The following SDHAF2 variants were observed in gnomAD, a reference collection of about 807,000 sequenced individuals.
SDHAF2 encodes the protein succinate dehydrogenase assembly factor 2, mitochondrial.
SDHAF2 carries 21 observed loss-of-function variants against 18.5 expected under a neutral mutation model. The observed-to-expected ratio is 1.13, with a 90% CI of 0.80 to 1.63. The LOEUF (loss-of-function observed/expected upper bound fraction) is 1.63. Ranked by LOEUF, SDHAF2 falls within the 40% of genes most tolerant of loss-of-function variation. SDHAF2 has a pLI of 0.00. For synonymous variants in SDHAF2, 84 were observed against 70.7 expected (o/e 1.19, Z -0.94); for missense variants, 195 against 200.3 (o/e 0.97, Z 0.16).
rs1174506640 is a variant in SDHAF2, at chr11:61,434,659, CTCTT to C, written c.37-2962_37-2959del. 5.5e-5 allele frequency: 8 copies of C among 145,344 alleles called. 1 individual carries two copies. The East Asian group carries it at 1.6e-3, about 29-fold the overall frequency. The allele number at this position is 145,344 out of a possible 1,614,324, so 9.0% of individuals were successfully genotyped here. A position where few individuals can be genotyped will look rare whatever the true frequency, so the allele number is the denominator to read the frequency against. On this transcript the variant is annotated intron_variant, in intron 1 of 3. Transcript: ENST00000301761. ...AATGACCAGTCTTTGAGTTTGCTGA[CTCTT>C]TCTGCTGCTTGATCAGGTCTACTAT...
rs1565130835 is a variant in SDHAF2, at chr11:61,445,947, A to G, written c.377A>G (p.Lys126Arg). 1 of 1,614,180 alleles carries G rather than the reference A, an allele frequency of 6.2e-7. No homozygotes were observed. Among genetic ancestry groups the G allele is most frequent in the Non-Finnish European group, 8.5e-7 (1 of 1,180,036 alleles). ...GCCCACTCTTCTCTTGCAGAAGCTA[A>G]ACCAGCCCCAGAAATATTTGAAAAT... Reference protein sequence around the residue: ...WDIYYWATEAKPAPEIFENEV... With the variant: ...WDIYYWATEARPAPEIFENEV... The change falls in exon 4 of 4, where the codon AAA becomes AGA. Residue 126 changes from lysine (K) to arginine (R), a missense_variant. Physicochemically the swap from Lys to Arg is conservative, Grantham distance 26 (BLOSUM62 2). Coordinates refer to ENST00000301761, the MANE Select transcript of SDHAF2 (RefSeq NM_017841.4).
In SDHAF2 at chr11:61,437,067, A is replaced by G. The variant is rs947176111; in HGVS notation, c.37-558A>G. On this transcript the variant is annotated intron_variant, in intron 1 of 3. Coordinates refer to ENST00000301761, the MANE Select transcript of SDHAF2 (RefSeq NM_017841.4). ...TTCTGGAAAGGCACTGGTTAGGGAC[A>G]CATTTGCAGTTAGGACTGTGTTTTA... is the stretch of plus-strand genomic sequence containing the variant. The G allele has an allele frequency of 2.6e-6, 3 of 1,162,094 alleles. No individual in the cohort carries two copies. The African/African-American group carries it at 4.8e-5, about 19-fold the overall frequency. 72.0% of individuals were successfully genotyped at this position (1,162,094 alleles called of 1,614,324 possible).
chr11:61,431,129 A>C (rs1861893204), intron 1 of SDHAF2: 1 of 151,826 alleles, frequency 6.6e-6, no homozygotes, highest in South Asian at 2.1e-4. Flanking sequence ...GGTTCAAGCG[A>C]TTCTTCCGCC....
At chr11:61,437,879 C>T (rs749030246) in intron 2 of SDHAF2, 31 bp downstream of exon 2, 20 of 1,598,058 alleles carry the variant, frequency 1.3e-5, no homozygotes, top group Non-Finnish European at 1.5e-5. Context: ...TTTTTTAAAT[C>T]GGGCAGCTTC....
chr11:61,434,948 G>A (rs1371755408), intron 1 of SDHAF2: 1 of 151,778 alleles, frequency 6.6e-6, no homozygotes, highest in Non-Finnish European at 1.5e-5. Context: ...AGCCAGGGTG[G>A]TCTTGATCTC....
intron 3 of SDHAF2, among the ~76,000 whole-genome samples, chr11:61,444,672 G>A (rs1862116469): frequency 1.3e-5 from 2 of 152,320 alleles, no homozygotes. Context: ...GAGCCCAGGA[G>A]GTGGAGCTTG....
intron 3 of SDHAF2, among the ~76,000 whole-genome samples, chr11:61,445,261 G>C (rs1304754333): frequency 6.6e-6 from 1 of 152,048 alleles, no homozygotes; most frequent in Non-Finnish European, 1.5e-5. Context: ...GAAAGGTCAG[G>C]GGGAGCAGCA....
chr11:61,431,915 C>G (rs947684858), intron 1 of SDHAF2: 1 of 152,360 alleles, frequency 6.6e-6, no homozygotes, highest in African/African-American at 2.4e-5. Flanking sequence ...TGGTCTCGAT[C>G]TCCTGACCTC....
chr11:61,438,307 C>G, intron 3 of SDHAF2, 194 bp downstream of exon 3: 1 of 631,884 alleles, frequency 1.6e-6, no homozygotes, highest in South Asian at 1.9e-5. Flanking sequence ...TCAAGCGATT[C>G]TCCAGCCTCA....
intron 3 of SDHAF2, among the ~76,000 whole-genome samples, chr11:61,442,906 G>A (rs928385582): frequency 5.3e-5 from 8 of 152,034 alleles, no homozygotes; most frequent in Non-Finnish European, 7.4e-5. Context: ...GGCACGTGCC[G>A]CCATGCCTGG....
intron 1 of SDHAF2, among the ~76,000 whole-genome samples, chr11:61,436,511 G>GCACC (rs1347987970): frequency 3.9e-5 from 6 of 152,256 alleles, no homozygotes; most frequent in African/African-American, 1.4e-4. Flanking sequence ...TTTTCTGTTA[G>GCACC]CACTTAGATT....
At chr11:61,430,636 G>A (rs1441420646) in intron 1 of SDHAF2, 1 of 186,686 alleles carries the variant, frequency 5.4e-6, no homozygotes, top group Non-Finnish European at 1.1e-5. Context: ...AGCGTAGTTA[G>A]CATGTCCATC....
intron 3 of SDHAF2, among the ~76,000 whole-genome samples, chr11:61,439,983 G>A (rs979237557): frequency 5.3e-5 from 8 of 152,316 alleles, no homozygotes; most frequent in African/African-American, 1.9e-4. Context: ...GCTGGGTCAT[G>A]TGGTAAGTGT....
intron 1 of SDHAF2, chr11:61,430,777 C>T (rs1212554682): frequency 1.3e-5 from 2 of 152,294 alleles, no homozygotes; most frequent in East Asian, 1.9e-4. Flanking sequence ...ACTTATTATT[C>T]TTTTTTCCTA....
intron 1 of SDHAF2, chr11:61,435,806 C>T: frequency 6.6e-6 from 1 of 152,274 alleles, no homozygotes; most frequent in African/African-American, 2.4e-5. Context: ...AGAAACCAGT[C>T]CCTCTGGTAG....
intron 1 of SDHAF2, chr11:61,436,719 T>G (rs764335673): frequency 1.1e-5 from 5 of 455,144 alleles, no homozygotes; most frequent in South Asian, 8.3e-5. Flanking sequence ...TGTGCTCACC[T>G]GGGGAGCAGG....
chr11:61,430,507 T>G, intron 1 of SDHAF2: 1 of 483,808 alleles, frequency 2.1e-6, no homozygotes. Context: ...TTTAATGCTT[T>G]TCGTGGTTTC....
rs1440188833 is a variant in SDHAF2 at position 61,437,803 on chromosome 11, A to G, written c.215A>G (p.Tyr72Cys). ...SIETKRARLL[Y>C]ESRKRGMLEN... ...GAAACCAAAAGAGCCCGCCTGCTCT[A>G]TGAGAGCAGAAAGAGGGGAATGTTG... Residue 72 changes from tyrosine to cysteine, a missense_variant, in exon 2 of 4, where the codon TAT (tyrosine) becomes TGT (cysteine). Tyr to Cys is a radical substitution (Grantham distance 194, BLOSUM62 -2). Transcript: ENST00000301761. The G allele has an allele frequency of 1.2e-6, 2 of 1,613,960 alleles. No individual in the cohort carries two copies. The highest frequency in any genetic ancestry group is 2.7e-5 in the African/African-American group (2 of 74,936).
At chr11:61,436,122 C>CA (rs539983045) in intron 1 of SDHAF2, 5,640 of 139,308 alleles carry the variant, frequency 0.04, 292 homozygotes, top group African/African-American at 0.12. Flanking sequence ...AACTCCGTCT[C>CA]AAAAAAAAAA....
Sources: gnomAD v4.1 joint callset for allele counts (sites outside exome capture counted in the v4.1 genomes callset) on GRCh38, gnomAD v4.1.1 for gene constraint, MANE v1.5 for transcripts, NCBI Gene and HGNC (gene_info 2026-07-23, HGNC 2026-07-21) for gene names.